ZNF420: variants seen among roughly 807,000 people sequenced by gnomAD.
ZNF420 encodes ATM and p53-associated KZNF protein.
ZNF420 carries 31 observed loss-of-function variants against 44.7 expected under a neutral mutation model. The ratio of observed to expected loss-of-function variants is 0.69; its 90% CI spans 0.52 to 0.94. The LOEUF is 0.94. Among genes scored for constraint, ZNF420 ranks in the 40% least tolerant of loss-of-function variants. The pLI, the probability that ZNF420 is intolerant of heterozygous loss-of-function variation, is 0.00. For synonymous variants in ZNF420, 245 were observed against 267.4 expected (o/e 0.92, Z 0.82); for missense variants, 681 against 827.9 (o/e 0.82, Z 2.18).
chr19:37,033,684 G>A (rs1967303003), intron 1 of ZNF420, among the ~76,000 whole-genome samples: 1 of 152,198 alleles, frequency 6.6e-6, no homozygotes, highest in Admixed American at 6.5e-5. Flanking sequence ...TGAAGTCCCT[G>A]CTTTCAATTC....
At chr19:37,100,946 T>C (rs1361294796) in intron 4 of ZNF420, among the ~76,000 whole-genome samples, 1 of 152,160 alleles carries the variant, frequency 6.6e-6, no homozygotes, top group African/African-American at 2.4e-5. Context: ...TTTGTCAATG[T>C]TTATAGTTCT....
chr19:37,067,227 G>C (rs748437269), intron 1 of ZNF420, among the ~76,000 whole-genome samples: 2 of 152,126 alleles, frequency 1.3e-5, no homozygotes, highest in Non-Finnish European at 2.9e-5. Context: ...ATTTTGGTTT[G>C]CACAAGTATT....
At position 37,129,097 on chromosome 19, in the gene ZNF420, T is replaced by C; in HGVS notation, c.*39T>C. ...TTGAGATCACTATGAAGAGGTTCTC[T>C]GGTTGTTAGCAGCAAAGAATTCTCA... On this transcript the variant is annotated 3_prime_UTR_variant, in exon 5 of 5. Transcript: ENST00000337995. 1 of 1,571,238 alleles carries C rather than the reference T, an allele frequency of 6.4e-7. No individual in the cohort carries two copies. Among genetic ancestry groups the C allele is most frequent in the Middle Eastern group, 1.7e-4 (1 of 5,878 alleles).
At chr19:37,114,377 G>T (rs1312273355) in intron 4 of ZNF420, among the ~76,000 whole-genome samples, 1 of 152,128 alleles carries the variant, frequency 6.6e-6, no homozygotes, top group Non-Finnish European at 1.5e-5. Context: ...TTTTCCACCG[G>T]CTGATATTGT....
At chr19:37,107,144 T>A (rs949445895) in intron 4 of ZNF420, 4 of 152,234 alleles carry the variant, frequency 2.6e-5, no homozygotes, top group Non-Finnish European at 5.9e-5. Flanking sequence ...CCTCTTTTAC[T>A]AATCCTCCTC....
chr19:37,047,293 A>C (rs1967559193), intron 1 of ZNF420, among the ~76,000 whole-genome samples: 1 of 152,248 alleles, frequency 6.6e-6, no homozygotes. Flanking sequence ...GAGAGTCTTC[A>C]TCAATGGGTT....
chr19:37,127,674 G>A lies in ZNF420; in HGVS notation c.683G>A (p.Cys228Tyr), dbSNP rs1244663655. The A allele has an allele frequency of 1.9e-6, 3 of 1,613,852 alleles. No individual in the cohort carries two copies. The highest frequency in any genetic ancestry group is 1.1e-5 in the South Asian group (1 of 91,084). Residue 228 changes from cysteine to tyrosine, a missense_variant, in exon 5 of 5, where the codon TGT becomes TAT. Physicochemically the swap from Cys to Tyr is radical, Grantham distance 194. Around this residue, in one of 3 missense-constraint regions of ZNF420, gnomAD observed 350 missense variants for 382.5 expected, o/e 0.92. Coordinates refer to ENST00000337995, the MANE Select transcript of ZNF420 (RefSeq NM_144689.5). ...TGEKPYKCEE[C>Y]GKAFIRSSQL... ...GAAAAACCATATAAATGTGAAGAAT[G>A]TGGGAAAGCCTTTATTCGTAGCTCA...
chr19:37,098,912 CAT>C (rs964679523), intron 4 of ZNF420, among the ~76,000 whole-genome samples: 13 of 152,196 alleles, frequency 8.5e-5, no homozygotes, highest in African/African-American at 3.1e-4. Context: ...TTAGGTTCCA[CAT>C]ATGAGTGAGA....
At chr19:37,038,651 C>T (rs534014828) in intron 1 of ZNF420, among the ~76,000 whole-genome samples, 1 of 152,228 alleles carries the variant, frequency 6.6e-6, no homozygotes, top group South Asian at 2.1e-4. Context: ...ACTCCTCATC[C>T]ATTAAGATTG....
intron 1 of ZNF420, among the ~76,000 whole-genome samples, chr19:37,009,774 A>T (rs2074554406): frequency 6.6e-6 from 1 of 152,110 alleles, no homozygotes. Context: ...AGGTGAGCCC[A>T]TCCCTGGTCA....
intron 4 of ZNF420, chr19:37,108,327 C>T (rs1045242652): frequency 2.6e-5 from 4 of 152,158 alleles, no homozygotes; most frequent in African/African-American, 9.7e-5. Context: ...CTCCCACTGT[C>T]GGTCCATGGA....
At chr19:37,098,757 A>T (rs1459962323) in intron 4 of ZNF420, among the ~76,000 whole-genome samples, 1 of 152,192 alleles carries the variant, frequency 6.6e-6, no homozygotes, top group African/African-American at 2.4e-5. Flanking sequence ...TTGACTATAT[A>T]GTCACCTTAT....
At chr19:37,058,581 C>T (rs915599445) in intron 1 of ZNF420, among the ~76,000 whole-genome samples, 15 of 152,212 alleles carry the variant, frequency 9.9e-5, no homozygotes, top group African/African-American at 3.6e-4. Flanking sequence ...AGAAACCTCT[C>T]CGCTCCTAGA....
chr19:37,021,936 C>CAAAAAAAAAAAAAAAAAAAAAA (rs60559933), intron 1 of ZNF420, among the ~76,000 whole-genome samples: 2 of 84,588 alleles, frequency 2.4e-5, no homozygotes, highest in Non-Finnish European at 4.5e-5. Context: ...CAGTCTGTCT[C>CAAAAAAAAAAAAAAAAAAAAAA]AAAAAAAAAA....
chr19:37,121,990 T>C (rs1222162260), intron 4 of ZNF420, among the ~76,000 whole-genome samples: 2 of 152,064 alleles, frequency 1.3e-5, no homozygotes, highest in Admixed American at 6.5e-5. Flanking sequence ...TGTGGAGAAA[T>C]AGGAACACTT....
intron 2 of ZNF420, among the ~76,000 whole-genome samples, chr19:37,088,023 T>C (rs575952246): frequency 6.6e-6 from 1 of 152,296 alleles, no homozygotes; most frequent in Non-Finnish European, 1.5e-5. Context: ...GGCTAGACAT[T>C]TCATATGGCT....
intron 2 of ZNF420, among the ~76,000 whole-genome samples, chr19:37,081,700 ATTTTTTTTTT>A (rs35066350): frequency 1.5e-5 from 1 of 66,914 alleles, no homozygotes; most frequent in African/African-American, 6.1e-5. Flanking sequence ...TAATTTTTGT[ATTTTTTTTTT>A]TTTTTTTTTT....
intron 1 of ZNF420, among the ~76,000 whole-genome samples, chr19:37,027,948 T>A (rs1445516077): frequency 2.0e-5 from 3 of 152,204 alleles, no homozygotes; most frequent in Non-Finnish European, 4.4e-5. Flanking sequence ...TAACAAAGAA[T>A]GCAATTGCCA....
chr19:37,106,550 A>C (rs1970094580), intron 4 of ZNF420, among the ~76,000 whole-genome samples: 1 of 152,170 alleles, frequency 6.6e-6, no homozygotes, highest in African/African-American at 2.4e-5. Context: ...TAACTTAGGA[A>C]GCACGATTTA....
Sources: gnomAD v4.1 joint callset for allele counts (sites outside exome capture counted in the v4.1 genomes callset) on GRCh38, gnomAD v4.1.1 for gene constraint, gnomAD v4.1.1 regional missense constraint, MANE v1.5 for transcripts, NCBI Gene and HGNC (gene_info 2026-07-23, HGNC 2026-07-21) for gene names.